The following LRRC8D variants were observed in gnomAD, a reference collection of about 807,000 sequenced individuals.
LRRC8D encodes volume-regulated anion channel subunit LRRC8D.
A neutral mutation model predicts 55.8 loss-of-function variants in LRRC8D; 20 were observed. The observed-to-expected ratio is 0.36, with a 90% CI of 0.25 to 0.52. The LOEUF (loss-of-function observed/expected upper bound fraction) is 0.52, where lower values mean the gene tolerates loss of function less well. Ranked by LOEUF, LRRC8D falls within the 20% of genes least tolerant of loss-of-function variation. The probability of loss-of-function intolerance (pLI) is 0.93; values close to 1 mark genes in which losing one functional copy is unlikely to be tolerated. For synonymous variants in LRRC8D, 352 were observed against 377.0 expected (o/e 0.93, Z 0.77); for missense variants, 651 against 1,030.8 (o/e 0.63, Z 5.05).
At position 89,868,288 on chromosome 1, in the gene LRRC8D, A is replaced by G. The variant is rs558643797; in HGVS notation, c.-3+24506A>G. ...CTGACACACCAAGATTTTGAATCAT[A>G]AAATGTAAGGATTAGAAGCTAATGA... On this transcript the variant is annotated intron_variant, in intron 2 of 2. Transcript: ENST00000337338. 2.0e-5 allele frequency among the ~76,000 whole-genome samples: 3 copies of G among 152,290 alleles called. No individual in the cohort carries two copies. The East Asian group carries it at 5.8e-4, about 29-fold the overall frequency.
chr1:89,838,696 C>T (rs1661061848), intron 1 of LRRC8D, among the ~76,000 whole-genome samples: 1 of 152,162 alleles, frequency 6.6e-6, no homozygotes, highest in South Asian at 2.1e-4. Flanking sequence ...CATCAACCAT[C>T]ATGTCCTACT....
Position 89,843,790 on chromosome 1 carries a change from G to A in LRRC8D, c.-3+8G>A. ...GGTGGCCGCTTGGTCCAGGTGCGCGGGGTCGGGTCTGGGTCCAGGGAGCGG... is the reference window on the plus strand; with the variant it reads ...GGTGGCCGCTTGGTCCAGGTGCGCGAGGTCGGGTCTGGGTCCAGGGAGCGG... On this transcript the variant is annotated splice_region_variant and intron_variant, in intron 2 of 2. Coordinates refer to ENST00000337338, the MANE Select transcript of LRRC8D (RefSeq NM_001134479.2). 1 of 674,362 alleles carries A rather than the reference G, an allele frequency of 1.5e-6. No homozygotes were observed. Among genetic ancestry groups the A allele is most frequent in the Non-Finnish European group, 2.7e-6 (1 of 368,994 alleles). 41.8% of individuals were successfully genotyped at this position (674,362 alleles called of 1,614,324 possible). A position where few individuals can be genotyped will look rare whatever the true frequency, so the allele number is the denominator to read the frequency against.
chr1:89,857,105 C>A (rs1661575780), intron 2 of LRRC8D, among the ~76,000 whole-genome samples: 1 of 152,022 alleles, frequency 6.6e-6, no homozygotes, highest in South Asian at 2.1e-4. Flanking sequence ...TTATCGGGGT[C>A]AGGCACGGTG....
At chr1:89,920,644 A>G (rs1311610051) in intron 2 of LRRC8D, among the ~76,000 whole-genome samples, 2 of 151,712 alleles carry the variant, frequency 1.3e-5, no homozygotes, top group African/African-American at 2.4e-5. Flanking sequence ...GTATACTTGT[A>G]ATACCCATAA....
At chr1:89,919,033 A>C (rs1570889990) in intron 2 of LRRC8D, among the ~76,000 whole-genome samples, 1 of 152,260 alleles carries the variant, frequency 6.6e-6, no homozygotes, top group Admixed American at 6.5e-5. Context: ...AGGCATTGAA[A>C]CCCAAGTGGA....
At chr1:89,900,041 C>G (rs541030368) in intron 2 of LRRC8D, among the ~76,000 whole-genome samples, 1 of 152,250 alleles carries the variant, frequency 6.6e-6, no homozygotes, top group Admixed American at 6.5e-5. Context: ...GAGATAGACT[C>G]AAAACCAGAT....
At chr1:89,895,247 T>G (rs1036883820) in intron 2 of LRRC8D, among the ~76,000 whole-genome samples, 1 of 152,250 alleles carries the variant, frequency 6.6e-6, no homozygotes, top group Admixed American at 6.5e-5. Context: ...TAATATATTA[T>G]GAAGTCTGTT....
intron 2 of LRRC8D, among the ~76,000 whole-genome samples, chr1:89,925,830 T>A (rs1194566871): frequency 1.3e-5 from 2 of 152,234 alleles, no homozygotes; most frequent in Non-Finnish European, 2.9e-5. Context: ...ATTCAAGTCC[T>A]GTGGCTGACA....
At chr1:89,868,610 G>A (rs1399780414) in intron 2 of LRRC8D, among the ~76,000 whole-genome samples, 3 of 151,964 alleles carry the variant, frequency 2.0e-5, no homozygotes, top group South Asian at 2.1e-4. Context: ...TGCCAGGCAC[G>A]TGCTAAGCAG....
Position 89,843,796 on chromosome 1 carries a change from G to T in LRRC8D, c.-3+14G>T. The T allele has an allele frequency of 1.5e-6, 1 of 659,946 alleles. No individual in the cohort carries two copies. Among genetic ancestry groups the T allele is most frequent in the South Asian group, 1.6e-5 (1 of 62,564 alleles). 40.9% of individuals were successfully genotyped at this position (659,946 alleles called of 1,614,324 possible). The stretch of plus-strand genomic sequence containing the variant: ...CGCTTGGTCCAGGTGCGCGGGGTCG[G>T]GTCTGGGTCCAGGGAGCGGGTCGGG... On this transcript the variant is annotated intron_variant, in intron 2 of 2. Transcript: ENST00000337338.
chr1:89,904,908 G>C (rs574294375), intron 2 of LRRC8D, among the ~76,000 whole-genome samples: 1 of 151,978 alleles, frequency 6.6e-6, no homozygotes, highest in Non-Finnish European at 1.5e-5. Context: ...AAGTCATTTT[G>C]TAAGCCATCC....
At chr1:89,830,372 T>C (rs1358254965) in intron 1 of LRRC8D, among the ~76,000 whole-genome samples, 2 of 152,332 alleles carry the variant, frequency 1.3e-5, no homozygotes, top group Non-Finnish European at 2.9e-5. Context: ...GAGATGCACT[T>C]GTTCTTTAAC....
At chr1:89,824,704 T>C (rs774459079) in intron 1 of LRRC8D, among the ~76,000 whole-genome samples, 1 of 152,214 alleles carries the variant, frequency 6.6e-6, no homozygotes, top group Non-Finnish European at 1.5e-5. Context: ...TAATGCAAAC[T>C]AGTCCCAATT....
intron 2 of LRRC8D, among the ~76,000 whole-genome samples, chr1:89,880,067 C>T (rs1285401237): frequency 6.6e-6 from 1 of 151,374 alleles, no homozygotes; most frequent in Non-Finnish European, 1.5e-5. Context: ...ATGTGTGAGA[C>T]ATTTATCTAT....
chr1:89,885,543 C>G (rs1341210968), intron 2 of LRRC8D, among the ~76,000 whole-genome samples: 1 of 152,068 alleles, frequency 6.6e-6, no homozygotes, highest in Non-Finnish European at 1.5e-5. Context: ...AAGGATAGTA[C>G]CAGCGCATTT....
At chr1:89,891,147 T>A (rs569178716) in intron 2 of LRRC8D, among the ~76,000 whole-genome samples, 6 of 152,332 alleles carry the variant, frequency 3.9e-5, no homozygotes, top group Non-Finnish European at 7.4e-5. Context: ...CCCAAAGGGC[T>A]GGGATTACAG....
chr1:89,878,313 T>G (rs1224082040), intron 2 of LRRC8D, among the ~76,000 whole-genome samples: 1 of 152,224 alleles, frequency 6.6e-6, no homozygotes, highest in Non-Finnish European at 1.5e-5. Context: ...TCAGCAGGTA[T>G]TATGTGCTCA....
chr1:89,893,652 G>A (rs1023740998), intron 2 of LRRC8D, among the ~76,000 whole-genome samples: 1 of 152,082 alleles, frequency 6.6e-6, no homozygotes. Context: ...ATACGTTATT[G>A]TTCTGAATGC....
At chr1:89,888,872 C>G (rs1662489167) in intron 2 of LRRC8D, among the ~76,000 whole-genome samples, 1 of 152,134 alleles carries the variant, frequency 6.6e-6, no homozygotes, top group Non-Finnish European at 1.5e-5. Flanking sequence ...AATATGTACC[C>G]ATCCTGATAT....
Sources: allele counts gnomAD v4.1 joint callset (sites outside exome capture counted in the v4.1 genomes callset), GRCh38; gene constraint gnomAD v4.1.1; transcripts MANE v1.5; gene names NCBI Gene and HGNC (gene_info 2026-07-23, HGNC 2026-07-21).